Variants in RAB27A observed in about 807,000 individuals in gnomAD.
RAB27A encodes ras-related protein Rab-27A.
Under a neutral mutation model 20.8 loss-of-function variants are expected in RAB27A, and 17 were observed. That is an observed-to-expected ratio of 0.82 (90% CI 0.56 to 1.23). RAB27A has a LOEUF of 1.23. Among genes scored for constraint, RAB27A ranks in the 50% most tolerant of loss-of-function variants. RAB27A has a pLI of 0.00. For missense variants in RAB27A, 277 were observed against 266.7 expected, an observed-to-expected ratio of 1.04 and a Z score of -0.27; for synonymous variants, 85 against 92.8, an observed-to-expected ratio of 0.92 and a Z score of 0.48.
At chr15:55,255,867 G>A (rs1897059798) in intron 2 of RAB27A, among the ~76,000 whole-genome samples, 1 of 152,148 alleles carries the variant, frequency 6.6e-6, no homozygotes, top group East Asian at 1.9e-4. Context: ...GCACCAGCCA[G>A]CACAAGAAAT....
At chr15:55,294,507 G>A (rs2054938917), upstream of RAB27A, among the ~76,000 whole-genome samples, 1 of 146,086 alleles carries the variant, frequency 6.8e-6, no homozygotes, top group Non-Finnish European at 1.5e-5. Flanking sequence ...AGGATCGCTT[G>A]AGCCCAGGAA....
chr15:55,217,821 T>C (rs1217656287), intron 6 of RAB27A, among the ~76,000 whole-genome samples: 2 of 152,014 alleles, frequency 1.3e-5, no homozygotes, highest in African/African-American at 2.4e-5. Flanking sequence ...AATTCAGCAC[T>C]GCTCATCGTT....
intron 2 of RAB27A, among the ~76,000 whole-genome samples, chr15:55,263,403 C>T (rs931792226): frequency 1.3e-5 from 2 of 151,964 alleles, no homozygotes; most frequent in Non-Finnish European, 2.9e-5. Context: ...ACTTGAGATG[C>T]AGTCACTAGA....
At chr15:55,317,632 C>G (rs2055059890) in intron 1 of RAB27A, 1 of 398,050 alleles carries the variant, frequency 2.5e-6, no homozygotes, top group Admixed American at 4.4e-5. Flanking sequence ...GTAGTATTAA[C>G]TTTTCTTCTC....
chr15:55,246,888 T>G (rs927896832), intron 2 of RAB27A, among the ~76,000 whole-genome samples: 1 of 152,044 alleles, frequency 6.6e-6, no homozygotes, highest in Admixed American at 6.6e-5. Context: ...TGTGAGCACA[T>G]AGAAGACAGT....
chr15:55,271,356 A>C (rs900923894), intron 1 of RAB27A, among the ~76,000 whole-genome samples: 4 of 152,200 alleles, frequency 2.6e-5, no homozygotes, highest in Non-Finnish European at 5.9e-5. Flanking sequence ...ATCTTCTAGG[A>C]ACTTATTAGA....
intron 5 of RAB27A, among the ~76,000 whole-genome samples, chr15:55,227,694 T>C (rs1441490429): frequency 1.3e-5 from 2 of 152,156 alleles, no homozygotes; most frequent in African/African-American, 4.8e-5. Context: ...CCCAGGGTGA[T>C]TGTGAGGATC....
intron 2 of RAB27A, among the ~76,000 whole-genome samples, chr15:55,312,167 C>G (rs563301603): frequency 5.8e-4 from 89 of 152,358 alleles, no homozygotes; most frequent in African/African-American, 2.1e-3. Flanking sequence ...GGGCGCCTCG[C>G]TGGATCAGGA....
At chr15:55,313,611 C>T (rs555147716) in intron 2 of RAB27A, among the ~76,000 whole-genome samples, 4 of 152,288 alleles carry the variant, frequency 2.6e-5, no homozygotes, top group Admixed American at 6.5e-5. Context: ...CAGTGGCTCA[C>T]GCTTGTAATC....
chr15:55,304,682 CTTCAT>C (rs1206726424), intron 2 of RAB27A, among the ~76,000 whole-genome samples: 6 of 152,130 alleles, frequency 3.9e-5, no homozygotes, highest in Non-Finnish European at 1.5e-5. Context: ...ATAGCACATA[CTTCAT>C]TTATCTTCTT....
intron 1 of RAB27A, among the ~76,000 whole-genome samples, chr15:55,280,503 T>TTATA (rs71297648): frequency 0.18 from 25,075 of 137,640 alleles, 2,517 homozygotes; most frequent in Middle Eastern, 0.23. Context: ...TGGGTATGGT[T>TTATA]TATATATATA....
At chr15:55,252,181 G>C (rs1014819524) in intron 2 of RAB27A, among the ~76,000 whole-genome samples, 12 of 152,224 alleles carry the variant, frequency 7.9e-5, no homozygotes, top group African/African-American at 2.2e-4. Flanking sequence ...CAGTTCATTA[G>C]AGCCCACAGC....
At chr15:55,225,174 G>A (rs1376631675) in intron 5 of RAB27A, among the ~76,000 whole-genome samples, 1 of 152,074 alleles carries the variant, frequency 6.6e-6, no homozygotes, top group African/African-American at 2.4e-5. Context: ...TTATCTTTCT[G>A]GTCTCCAGAG....
chr15:55,306,997 C>G (rs2054999681), intron 2 of RAB27A, among the ~76,000 whole-genome samples: 1 of 152,050 alleles, frequency 6.6e-6, no homozygotes, highest in Non-Finnish European at 1.5e-5. Flanking sequence ...CGGGTTCCTT[C>G]GGCAGTATCC....
intron 2 of RAB27A, among the ~76,000 whole-genome samples, chr15:55,311,675 T>A (rs2055021167): frequency 6.6e-6 from 1 of 152,204 alleles, no homozygotes; most frequent in Admixed American, 6.5e-5. Flanking sequence ...GTGTTATAAT[T>A]TATACTTCCC....
chr15:55,299,810 T>G (rs2054964143), intron 2 of RAB27A, among the ~76,000 whole-genome samples: 1 of 151,834 alleles, frequency 6.6e-6, no homozygotes, highest in African/African-American at 2.4e-5. Flanking sequence ...ATAGCAATCC[T>G]AATTTCTTTT....
At chr15:55,304,932 G>A (rs2054990933) in intron 2 of RAB27A, among the ~76,000 whole-genome samples, 1 of 152,188 alleles carries the variant, frequency 6.6e-6, no homozygotes, top group Non-Finnish European at 1.5e-5. Flanking sequence ...TACAAAGGGA[G>A]GGGACCCAAA....
chr15:55,293,871 C>T (rs1472825216), upstream of RAB27A, among the ~76,000 whole-genome samples: 12 of 151,800 alleles, frequency 7.9e-5, no homozygotes, highest in Non-Finnish European at 1.3e-4. Context: ...AAGCCGAGAT[C>T]GTGCAACTGC....
intron 2 of RAB27A, among the ~76,000 whole-genome samples, chr15:55,248,604 C>T (rs1489436570): frequency 1.3e-5 from 2 of 152,094 alleles, no homozygotes; most frequent in African/African-American, 4.8e-5. Flanking sequence ...TTGGTTTCAC[C>T]ATAATGTTAA....
Sources: allele counts gnomAD v4.1 joint callset (sites outside exome capture counted in the v4.1 genomes callset), GRCh38; gene constraint gnomAD v4.1.1; transcripts MANE v1.5; gene names NCBI Gene and HGNC (gene_info 2026-07-23, HGNC 2026-07-21).